The following OR13A1 variants were observed in gnomAD, a reference collection of about 807,000 sequenced individuals.
OR13A1 encodes the protein olfactory receptor family 13 subfamily A member 1.
OR13A1 carries 10 observed loss-of-function variants against 7.5 expected under a neutral mutation model. That is an observed-to-expected ratio of 1.34 (90% CI 0.83 to 2.27). The LOEUF (loss-of-function observed/expected upper bound fraction) is 2.27. Among genes scored for constraint, OR13A1 ranks in the 30% most tolerant of loss-of-function variants. The pLI is 0.00. For missense variants in OR13A1, 509 were observed against 419.1 expected (o/e 1.21, Z -1.87); for synonymous variants, 238 against 177.9 (o/e 1.34, Z -2.69).
rs752961881 is a variant in OR13A1 at position 45,303,670 on chromosome 10, C to T, written c.753G>A (p.Gly251=). 8.7e-6 allele frequency: 14 copies of T among 1,614,148 alleles called. No homozygotes were observed. The highest frequency in any genetic ancestry group is 1.2e-5 in the Non-Finnish European group (14 of 1,180,022). The change falls in exon 4 of 4, where the codon GGG becomes GGA. Residue 251 remains glycine (G), a synonymous_variant. Coordinates refer to ENST00000553795, the MANE Select transcript of OR13A1 (RefSeq NM_001004297.3). Reference sequence around the variant, plus strand: ...AGCAGGTGGAGAAGGCTTTCTGCCTCCCCCAGGCAGTCTTCACCTTCAGGA... The same window carrying T: ...AGCAGGTGGAGAAGGCTTTCTGCCTTCCCCAGGCAGTCTTCACCTTCAGGA... The part of the protein sequence containing the change: ...SSILKVKTAW[G]RQKAFSTCSS...
intron 1 of OR13A1, among the ~76,000 whole-genome samples, chr10:45,311,137 C>T (rs1838436619): frequency 6.6e-6 from 1 of 152,208 alleles, no homozygotes; most frequent in Non-Finnish European, 1.5e-5. Context: ...TCAATTTTTC[C>T]AGGCCTATCC....
chr10:45,303,322 C>CA lies in OR13A1; in HGVS notation c.*113dup. On this transcript the variant is annotated 3_prime_UTR_variant, in exon 4 of 4. Coordinates refer to ENST00000553795, the MANE Select transcript of OR13A1 (RefSeq NM_001004297.3). ...CCAGCACTCCCAGCTCATCCATGCACAGGTTCTGCTGGGTTAGAAAAAACA... is the reference window on the plus strand; with the variant it reads ...CCAGCACTCCCAGCTCATCCATGCACAAGGTTCTGCTGGGTTAGAAAAAACA... The CA allele has an allele frequency of 8.8e-7, 1 of 1,137,642 alleles. No individual in the cohort carries two copies. The highest frequency in any genetic ancestry group is 1.3e-6 in the Non-Finnish European group (1 of 795,658). 70.5% of individuals were successfully genotyped at this position (1,137,642 alleles called of 1,614,324 possible).
intron 3 of OR13A1, among the ~76,000 whole-genome samples, chr10:45,305,666 T>G (rs1838313455): frequency 6.6e-6 from 1 of 152,192 alleles, no homozygotes; most frequent in African/African-American, 2.4e-5. Context: ...AAGCCAGAAC[T>G]CCAGCCATGC....
At chr10:45,314,344 C>G (rs751253046) in intron 1 of OR13A1, among the ~76,000 whole-genome samples, 34 of 151,734 alleles carry the variant, frequency 2.2e-4, no homozygotes, top group Non-Finnish European at 1.5e-5. Context: ...TGCCTGCAAT[C>G]CCAGCACTTT....
intron 1 of OR13A1, among the ~76,000 whole-genome samples, chr10:45,313,371 T>TA (rs1292647789): frequency 4.0e-5 from 6 of 151,422 alleles, no homozygotes; most frequent in Non-Finnish European, 7.4e-5. Flanking sequence ...AGAGAAGGAA[T>TA]AAAAAACAAA....
At position 45,304,167 on chromosome 10, in the gene OR13A1, T is replaced by C. The variant is rs775113232; in HGVS notation, c.256A>G (p.Thr86Ala). Residue 86 changes from threonine (T) to alanine (A), a missense_variant, in exon 4 of 4, where the codon ACT becomes GCT. By Grantham distance (58) the Thr-to-Ala change is moderately conservative. Transcript: ENST00000553795. ...PMYFFLLNLA[T>A]MDIICTSSIM... ...GAAGAGGTGCAGATAATGTCCATAG[T>C]AGCCAAGTTGAGTAAGAAAAAGTAC... 24 of 1,614,064 alleles carry C rather than the reference T, an allele frequency of 1.5e-5. No individual in the cohort carries two copies. In the South Asian group the frequency reaches 2.1e-4, roughly 14 times the overall value.
chr10:45,311,943 A>G (rs1838454800), intron 1 of OR13A1, among the ~76,000 whole-genome samples: 1 of 152,194 alleles, frequency 6.6e-6, no homozygotes, highest in Admixed American at 6.5e-5. Context: ...AAGATGAACA[A>G]TTTCTAGAGA....
At chr10:45,304,503 G>A (rs913950821) in intron 3 of OR13A1, 69 bp from the exon 4 acceptor site, 2 of 1,307,304 alleles carry the variant, frequency 1.5e-6, no homozygotes, top group Admixed American at 2.1e-5. Flanking sequence ...TCACATCACT[G>A]CATGAAAGAT....
At chr10:45,314,670 A>T (rs1376856186) in intron 1 of OR13A1, among the ~76,000 whole-genome samples, 14 of 152,134 alleles carry the variant, frequency 9.2e-5, no homozygotes, top group Admixed American at 9.2e-4. Context: ...ACAAATGCTT[A>T]GCTAGATTAA....
At chr10:45,302,414 G>A (rs1238430262), downstream of OR13A1, 1 of 152,180 alleles carries the variant, frequency 6.6e-6, no homozygotes, top group Admixed American at 6.5e-5. Flanking sequence ...ACGTGCCAAA[G>A]CTACAGTCAG....
intron 1 of OR13A1, among the ~76,000 whole-genome samples, chr10:45,310,384 G>A (rs191270561): frequency 1.8e-3 from 269 of 152,258 alleles, no homozygotes; most frequent in African/African-American, 4.0e-3. Context: ...GATCTCCTAC[G>A]TGATGATTCT....
rs754867114 is a variant in OR13A1, at chr10:45,303,933, T to C, written c.490A>G (p.Thr164Ala). 1.2e-6 allele frequency: 2 copies of C among 1,613,694 alleles called. No individual in the cohort carries two copies. The highest frequency in any genetic ancestry group is 1.6e-4 in the Middle Eastern group (1 of 6,062). Residue 164 changes from threonine to alanine, a missense_variant, in exon 4 of 4, where the codon ACA (threonine) becomes GCA (alanine). Coordinates refer to ENST00000553795, the MANE Select transcript of OR13A1 (RefSeq NM_001004297.3). ...MSKVFCSGLATAVWLLCAVNT... is the reference protein window; with the variant it reads ...MSKVFCSGLAAAVWLLCAVNT... ...ACGGCGCAGAGCAGCCACACGGCTG[T>C]GGCCAGCCCGCTGCAGAACACCTTG... is the stretch of plus-strand genomic sequence containing the variant.
Position 45,303,930 on chromosome 10 carries a change from C to T in OR13A1, c.493G>A (p.Ala165Thr). 6.2e-7 allele frequency: 1 copy of T among 1,613,740 alleles called. No individual in the cohort carries two copies. The highest frequency in any genetic ancestry group is 1.3e-5 in the African/African-American group (1 of 75,082). ...TTGACGGCGCAGAGCAGCCACACGG[C>T]TGTGGCCAGCCCGCTGCAGAACACC... ...SKVFCSGLAT[A>T]VWLLCAVNTA... The change falls in exon 4 of 4, where the codon GCC (alanine) becomes ACC (threonine). Residue 165 changes from alanine to threonine, a missense_variant. Physicochemically the swap from Ala to Thr is moderately conservative, Grantham distance 58. Transcript: ENST00000553795.
intron 1 of OR13A1, among the ~76,000 whole-genome samples, chr10:45,309,794 A>G (rs73281137): frequency 1.5e-3 from 223 of 152,318 alleles, no homozygotes; most frequent in African/African-American, 5.0e-3. Context: ...ATTAAAACGC[A>G]CTTCAAACAG....
rs562976442 is a variant in OR13A1 at position 45,307,733 on chromosome 10, T to A, written c.-155+6A>T. ...ACTGCATTCAGACAACACGATGACA[T>A]CTCACCAGCAGGCCAACAGGATATT... On this transcript the variant is annotated splice_donor_region_variant and intron_variant, in intron 2 of 3. Transcript: ENST00000553795. 2 of 152,276 alleles carry A rather than the reference T, an allele frequency of 1.3e-5. No individual in the cohort carries two copies. Among genetic ancestry groups the A allele is most frequent in the South Asian group, 4.1e-4 (2 of 4,828 alleles). 9.4% of individuals were successfully genotyped at this position (152,276 alleles called of 1,614,324 possible).
chr10:45,306,392 G>C (rs997143686), intron 3 of OR13A1, among the ~76,000 whole-genome samples: 1 of 151,542 alleles, frequency 6.6e-6, no homozygotes, highest in Admixed American at 6.6e-5. Flanking sequence ...GGCGGAGCTT[G>C]CAGTGAGCCG....
chr10:45,304,260 C>T lies in OR13A1; in HGVS notation c.163G>A (p.Gly55Arg), dbSNP rs932210599. ...ATGAGGACATTACCTGTGAGGGCCC[C>T]AGAGTAGAGGAAGAGGAAACAGCTG... is the stretch of plus-strand genomic sequence containing the variant. ...LFSCFLFLYSGALTGNVLITL... is the reference protein window; with the variant it reads ...LFSCFLFLYSRALTGNVLITL... The change falls in exon 4 of 4, where the codon GGG becomes AGG. Residue 55 changes from glycine (G) to arginine (R), a missense_variant. Gly to Arg is a moderately radical substitution (Grantham distance 125, BLOSUM62 -2). Coordinates refer to ENST00000553795, the MANE Select transcript of OR13A1 (RefSeq NM_001004297.3). 11 of 1,614,030 alleles carry T rather than the reference C, an allele frequency of 6.8e-6. No individual in the cohort carries two copies. The Admixed American group carries it at 1.0e-4, about 15-fold the overall frequency.
At chr10:45,313,274 A>T (rs956407095) in intron 1 of OR13A1, among the ~76,000 whole-genome samples, 10 of 152,020 alleles carry the variant, frequency 6.6e-5, no homozygotes, top group African/African-American at 2.2e-4. Flanking sequence ...CCATAAAAAA[A>T]TCTATAGAAT....
chr10:45,311,799 A>T (rs1176848051), intron 1 of OR13A1, among the ~76,000 whole-genome samples: 2 of 152,280 alleles, frequency 1.3e-5, no homozygotes, highest in East Asian at 3.9e-4. Flanking sequence ...CCTACATAAC[A>T]AACCTGCACA....
Sources: gnomAD v4.1 joint callset for allele counts (sites outside exome capture counted in the v4.1 genomes callset) on GRCh38, gnomAD v4.1.1 for gene constraint, MANE v1.5 for transcripts, NCBI Gene and HGNC (gene_info 2026-07-23, HGNC 2026-07-21) for gene names.